SPHKAP: variants seen among roughly 807,000 people sequenced by gnomAD.
The protein encoded by SPHKAP is A-kinase anchor protein SPHKAP.
A neutral mutation model predicts 137.5 loss-of-function variants in SPHKAP; 67 were observed. The ratio of observed to expected loss-of-function variants is 0.49; its 90% confidence interval spans 0.40 to 0.60. SPHKAP has a LOEUF of 0.60. Ranked by LOEUF, SPHKAP falls within the 20% of genes least tolerant of loss-of-function variation. The pLI is 0.00. For missense variants in SPHKAP, 2,097 were observed against 2,069.3 expected (o/e 1.01, Z -0.26); for synonymous variants, 813 against 785.3 (o/e 1.04, Z -0.59).
intron 1 of SPHKAP, among the ~76,000 whole-genome samples, chr2:228,172,092 AT>A (rs1700603894): frequency 6.6e-6 from 1 of 152,042 alleles, no homozygotes; most frequent in Non-Finnish European, 1.5e-5. Context: ...TGTATAATAT[AT>A]AATAAATGTA....
rs779893880 is a variant in SPHKAP, at chr2:227,993,506, C to T, written c.4721+28G>A. On this transcript the variant is annotated intron_variant, in intron 9 of 11. Transcript: ENST00000392056. ...AGATGGAATTGGAGTAGTGGTCTCA[C>T]AATCACTGCATCTCAGTGGCTACTT... is the stretch of plus-strand genomic sequence containing the variant. 2.6e-6 allele frequency: 4 copies of T among 1,565,024 alleles called. No homozygotes were observed. The Admixed American group carries it at 5.5e-5, about 21-fold the overall frequency.
chr2:228,155,760 C>T (rs568850156), intron 1 of SPHKAP, among the ~76,000 whole-genome samples: 2 of 152,284 alleles, frequency 1.3e-5, no homozygotes, highest in South Asian at 4.1e-4. Flanking sequence ...TAAAACAATG[C>T]TTCTCTTATT....
At chr2:228,070,188 A>C (rs1696961150) in intron 3 of SPHKAP, among the ~76,000 whole-genome samples, 1 of 152,196 alleles carries the variant, frequency 6.6e-6, no homozygotes, top group Non-Finnish European at 1.5e-5. Context: ...TGATAACATA[A>C]ACAGTGGATT....
At chr2:228,060,531 T>G (rs1696598203) in intron 3 of SPHKAP, among the ~76,000 whole-genome samples, 1 of 152,236 alleles carries the variant, frequency 6.6e-6, no homozygotes, top group Admixed American at 6.5e-5. Context: ...GGTTACAGTG[T>G]TTTTAATTTG....
chr2:228,071,704 T>G (rs893675690), intron 3 of SPHKAP, among the ~76,000 whole-genome samples: 2 of 152,184 alleles, frequency 1.3e-5, no homozygotes, highest in Non-Finnish European at 2.9e-5. Context: ...TTAATAATGG[T>G]CCTTACACTG....
Position 228,010,021 on chromosome 2 carries a change from T to G in SPHKAP, c.4448+6385A>C, listed in dbSNP as rs531815176. Among the ~76,000 whole-genome samples, 16 of 152,288 alleles carry G rather than the reference T, an allele frequency of 1.1e-4. No individual in the cohort carries two copies. The East Asian group carries it at 2.1e-3, about 20-fold the overall frequency. On this transcript the variant is annotated intron_variant, in intron 7 of 11. Coordinates refer to ENST00000392056, the MANE Select transcript of SPHKAP (RefSeq NM_001142644.2). ...CCTGTGCAGATTCCTCTTCTTTCTC[T>G]GCATATCTCCCTCTAGTCTGTGTCT...
chr2:228,017,647 T>G lies in SPHKAP; in HGVS notation c.3207A>C (p.Leu1069Phe). ...GCCGGCTCCACCTGTCGCCACTCAGTAACCGATTCCGGGGATAGCCCTGCG... is the reference window on the plus strand; with the variant it reads ...GCCGGCTCCACCTGTCGCCACTCAGGAACCGATTCCGGGGATAGCCCTGCG... ...WQAQGYPRNR[L>F]LSGDRWSRLK... The change falls in exon 7 of 12, where the codon TTA (leucine) becomes TTC (phenylalanine). Residue 1069 changes from leucine to phenylalanine, a missense_variant. Coordinates refer to ENST00000392056, the MANE Select transcript of SPHKAP (RefSeq NM_001142644.2). The G allele has an allele frequency of 6.2e-7, 1 of 1,613,980 alleles. No homozygotes were observed. Among genetic ancestry groups the G allele is most frequent in the Non-Finnish European group, 8.5e-7 (1 of 1,180,026 alleles).
intron 1 of SPHKAP, among the ~76,000 whole-genome samples, chr2:228,164,243 A>C (rs1700356543): frequency 6.6e-6 from 1 of 152,116 alleles, no homozygotes; most frequent in Non-Finnish European, 1.5e-5. Flanking sequence ...TCAGGCCTTC[A>C]ACCACAGGCT....
chr2:228,092,148 TAC>T (rs1574841335), intron 3 of SPHKAP, among the ~76,000 whole-genome samples: 1 of 125,818 alleles, frequency 7.9e-6, no homozygotes, highest in East Asian at 2.3e-4. Flanking sequence ...TACACATATA[TAC>T]ATATACATAT....
chr2:228,024,680 T>A (rs1237747215), intron 5 of SPHKAP, among the ~76,000 whole-genome samples: 2 of 152,196 alleles, frequency 1.3e-5, no homozygotes, highest in African/African-American at 2.4e-5. Context: ...GAACAATTTG[T>A]GGAAAACAAA....
intron 7 of SPHKAP, among the ~76,000 whole-genome samples, chr2:228,003,340 G>A (rs1693986757): frequency 6.6e-6 from 1 of 152,136 alleles, no homozygotes; most frequent in Non-Finnish European, 1.5e-5. Flanking sequence ...TTGTGAATGG[G>A]AGTTCACTCA....
chr2:228,111,762 G>A (rs1450762667), intron 2 of SPHKAP, among the ~76,000 whole-genome samples: 2 of 152,062 alleles, frequency 1.3e-5, no homozygotes, highest in Non-Finnish European at 2.9e-5. Context: ...GAGTCTCAGA[G>A]AGATATGAAT....
At chr2:227,983,460 G>A (rs1263940145) in intron 11 of SPHKAP, among the ~76,000 whole-genome samples, 1 of 152,152 alleles carries the variant, frequency 6.6e-6, no homozygotes, top group Non-Finnish European at 1.5e-5. Flanking sequence ...GGAGACAGAT[G>A]GGAGGCAGAT....
In SPHKAP at chr2:228,018,742, G is replaced by T. The variant is rs1459658724; in HGVS notation, c.2112C>A (p.Thr704=). ...DNRHSSEILD[T]LMESTNQLLL... The stretch of plus-strand genomic sequence containing the variant: ...GCAGTTGATTTGTACTTTCCATTAA[G>T]GTGTCCAGAATTTCAGATGAATGCC... Residue 704 remains threonine (T), a synonymous_variant, in exon 7 of 12, where the codon ACC becomes ACA. Coordinates refer to ENST00000392056, the MANE Select transcript of SPHKAP (RefSeq NM_001142644.2). The T allele has an allele frequency of 5.6e-6, 9 of 1,614,150 alleles. No individual in the cohort carries two copies. Among genetic ancestry groups the T allele is most frequent in the Non-Finnish European group, 7.6e-6 (9 of 1,180,030 alleles).
intron 1 of SPHKAP, among the ~76,000 whole-genome samples, chr2:228,170,940 T>C (rs1223500833): frequency 6.6e-6 from 1 of 152,056 alleles, no homozygotes; most frequent in African/African-American, 2.4e-5. Flanking sequence ...GAAATTATAA[T>C]AAGAGGTCAA....
chr2:228,172,587 C>A (rs1700618061), intron 1 of SPHKAP, among the ~76,000 whole-genome samples: 1 of 152,206 alleles, frequency 6.6e-6, no homozygotes, highest in South Asian at 2.1e-4. Flanking sequence ...GATCACCCAC[C>A]ATTTCAACCC....
chr2:228,101,629 A>G (rs2106339481), intron 3 of SPHKAP, among the ~76,000 whole-genome samples: 1 of 152,354 alleles, frequency 6.6e-6, no homozygotes, highest in African/African-American at 2.4e-5. Flanking sequence ...TGAGGTAAAT[A>G]CAATTATTAT....
chr2:228,133,415 C>A (rs1232483954), intron 1 of SPHKAP, among the ~76,000 whole-genome samples: 1 of 151,964 alleles, frequency 6.6e-6, no homozygotes, highest in African/African-American at 2.4e-5. Context: ...AATAATATGA[C>A]TGGAAACTCA....
rs560768770 is a variant in SPHKAP at position 227,982,228 on chromosome 2, T to G, written c.4960-368A>C. On this transcript the variant is annotated intron_variant, in intron 11 of 11. Transcript: ENST00000392056. ...TAGGATTGTGTATTACAGCTCCCAG[T>G]CCCTTCTATTTCTATCACAAATAAG... The G allele has an allele frequency of 1.6e-5, 16 of 985,316 alleles. No individual in the cohort carries two copies. In the African/African-American group the frequency reaches 2.1e-4, roughly 13 times the overall value. The allele number at this position is 985,316 out of a possible 1,614,324, so 61.0% of individuals were successfully genotyped here.
Sources: allele counts gnomAD v4.1 joint callset (sites outside exome capture counted in the v4.1 genomes callset), GRCh38; gene constraint gnomAD v4.1.1; transcripts MANE v1.5; gene names NCBI Gene and HGNC (gene_info 2026-07-23, HGNC 2026-07-21).